The following PIK3CA variants were observed in gnomAD, a reference collection of about 807,000 sequenced individuals.
PIK3CA encodes the protein phosphatidylinositol-4,5-bisphosphate 3-kinase catalytic subunit alpha.
Under a neutral mutation model 138.2 loss-of-function variants are expected in PIK3CA, and 27 were observed. The ratio of observed to expected loss-of-function variants is 0.20; its 90% CI spans 0.14 to 0.27. The LOEUF (loss-of-function observed/expected upper bound fraction) is 0.27. Ranked by LOEUF, PIK3CA falls within the 10% of genes least tolerant of loss-of-function variation. The pLI, the probability that PIK3CA is intolerant of heterozygous loss-of-function variation, is 1.00. For missense variants in PIK3CA, 544 were observed against 1,277.4 expected (o/e 0.43, Z 8.75); for synonymous variants, 358 against 413.2 (o/e 0.87, Z 1.62).
intron 1 of PIK3CA, among the ~76,000 whole-genome samples, chr3:179,190,661 G>T (rs534344901): frequency 1.3e-4 from 20 of 152,060 alleles, no homozygotes; most frequent in African/African-American, 4.8e-4. Flanking sequence ...TCTCGTTAAT[G>T]GGTTGTAGGG....
intron 6 of PIK3CA, 70 bp from the exon 7 acceptor site, chr3:179,209,525 T>C: frequency 1.2e-6 from 1 of 813,742 alleles, no homozygotes; most frequent in South Asian, 2.4e-5. Context: ...TCGTGATTTG[T>C]AGGAGTCATT....
At chr3:179,191,504 T>C (rs1347479787) in intron 1 of PIK3CA, among the ~76,000 whole-genome samples, 1 of 152,222 alleles carries the variant, frequency 6.6e-6, no homozygotes, top group Admixed American at 6.5e-5. Context: ...GCTGTTTGCA[T>C]TGCTCAGGCT....
At chr3:179,187,402 G>A (rs1300155180) in intron 1 of PIK3CA, among the ~76,000 whole-genome samples, 1 of 151,252 alleles carries the variant, frequency 6.6e-6, no homozygotes, top group African/African-American at 2.4e-5. Context: ...GCTGGGCGTG[G>A]TGGCGGGCGC....
intron 1 of PIK3CA, among the ~76,000 whole-genome samples, chr3:179,173,958 C>T (rs1723630653): frequency 6.6e-6 from 1 of 151,640 alleles, no homozygotes; most frequent in Admixed American, 6.6e-5. Flanking sequence ...AAACTCCTGA[C>T]CTCAGGTGAT....
In PIK3CA at chr3:179,204,565, A is replaced by G. The variant is rs2108394515; in HGVS notation, c.1122A>G (p.Gln374=). ...CCTTATGTGACAATGTGAACACTCAAAGAGTACCTTGTTCCAATCCCAGGT... is the reference window on the plus strand; with the variant it reads ...CCTTATGTGACAATGTGAACACTCAGAGAGTACCTTGTTCCAATCCCAGGT... ...GEPLCDNVNT[Q]RVPCSNPRWN... Residue 374 remains glutamine, a synonymous_variant, in exon 6 of 21, where the codon CAA becomes CAG. Transcript: ENST00000263967. The G allele has an allele frequency of 6.4e-7, 1 of 1,562,750 alleles. No individual in the cohort carries two copies. The highest frequency in any genetic ancestry group is 8.8e-7 in the Non-Finnish European group (1 of 1,133,438).
chr3:179,156,159 G>A (rs1230366083), intron 1 of PIK3CA, among the ~76,000 whole-genome samples: 3 of 152,144 alleles, frequency 2.0e-5, no homozygotes, highest in African/African-American at 7.2e-5. Context: ...TATTTTAAAG[G>A]TCCTTGTGTG....
intron 1 of PIK3CA, among the ~76,000 whole-genome samples, chr3:179,153,845 G>A (rs1335707936): frequency 1.3e-5 from 2 of 152,164 alleles, no homozygotes; most frequent in Non-Finnish European, 2.9e-5. Context: ...TGAAGTGTTA[G>A]GATATAAAAG....
Position 179,210,248 on chromosome 3 carries a change from T to C in PIK3CA, c.1314T>C (p.Ser438=). 1 of 1,598,274 alleles carries C rather than the reference T, an allele frequency of 6.3e-7. No homozygotes were observed. The highest frequency in any genetic ancestry group is 8.5e-7 in the Non-Finnish European group (1 of 1,176,052). Residue 438 remains serine (S), a synonymous_variant, in exon 8 of 21, where the codon TCT becomes TCC. Coordinates refer to ENST00000263967, the MANE Select transcript of PIK3CA (RefSeq NM_006218.4). The part of the protein sequence containing the change: ...NLFDYTDTLV[S]GKMALNLWPV... The stretch of plus-strand genomic sequence containing the variant: ...TTGATTACACAGACACTCTAGTATC[T>C]GGAAAAATGGCTTTGAATCTTTGGC...
intron 1 of PIK3CA, among the ~76,000 whole-genome samples, chr3:179,191,234 G>C (rs188860555): frequency 1.9e-4 from 29 of 152,290 alleles, no homozygotes; most frequent in Non-Finnish European, 3.5e-4. Context: ...TCATGTCAAA[G>C]TGTCATACTT....
chr3:179,215,087 C>G (rs1724807516), intron 9 of PIK3CA, among the ~76,000 whole-genome samples: 1 of 152,112 alleles, frequency 6.6e-6, no homozygotes, highest in East Asian at 1.9e-4. Context: ...TCCAAAACAC[C>G]CCTATCCCAT....
intron 17 of PIK3CA, 54 bp from the exon 18 acceptor site, chr3:179,229,218 T>G: frequency 7.1e-7 from 1 of 1,400,790 alleles, no homozygotes; most frequent in Non-Finnish European, 9.9e-7. Flanking sequence ...TGTTAAAACA[T>G]TTGCTATTTT....
rs1012456637 is a variant in PIK3CA at position 179,239,447 on chromosome 3, A to C, written c.*5083A>C. 5.1e-6 allele frequency: 1 copy of C among 197,090 alleles called. No individual in the cohort carries two copies. Among genetic ancestry groups the C allele is most frequent in the African/African-American group, 2.3e-5 (1 of 43,304 alleles). The allele number at this position is 197,090 out of a possible 1,614,324, so 12.2% of individuals were successfully genotyped here. On this transcript the variant is annotated 3_prime_UTR_variant, in exon 21 of 21. Coordinates refer to ENST00000263967, the MANE Select transcript of PIK3CA (RefSeq NM_006218.4). The stretch of plus-strand genomic sequence containing the variant: ...TTATCTATTTATTTCATTTTTATTT[A>C]ATTTTGTTTTTATTTCATTTTTAAA...
intron 9 of PIK3CA, among the ~76,000 whole-genome samples, chr3:179,213,924 A>G (rs1379160286): frequency 1.3e-5 from 2 of 152,190 alleles, no homozygotes; most frequent in Non-Finnish European, 2.9e-5. Context: ...GCTGCTTCAC[A>G]GCTTCTTTTT....
intron 9 of PIK3CA, among the ~76,000 whole-genome samples, chr3:179,214,728 T>C (rs1214958889): frequency 1.3e-5 from 2 of 151,704 alleles, no homozygotes; most frequent in Non-Finnish European, 2.9e-5. Flanking sequence ...TGAGGTATGA[T>C]AAAGCAAAGC....
In PIK3CA at chr3:179,219,384, T is replaced by C; in HGVS notation, c.1746+107T>C. ...ATAAATAAATGAAATAGACTAATAG[T>C]AATATAGTGTAGAAAAAAACACCCT... is the stretch of plus-strand genomic sequence containing the variant. On this transcript the variant is annotated intron_variant, in intron 11 of 20. Coordinates refer to ENST00000263967, the MANE Select transcript of PIK3CA (RefSeq NM_006218.4). The surrounding 1 kb of genome is among the most constrained non-coding windows in gnomAD (Gnocchi z 4.2). The C allele has an allele frequency of 1.3e-6, 1 of 754,922 alleles. No homozygotes were observed. Among genetic ancestry groups the C allele is most frequent in the Non-Finnish European group, 2.2e-6 (1 of 455,146 alleles). 46.8% of individuals were successfully genotyped at this position (754,922 alleles called of 1,614,324 possible). A position where few individuals can be genotyped will look rare whatever the true frequency, so the allele number is the denominator to read the frequency against.
At chr3:179,202,341 A>G (rs900392166) in intron 4 of PIK3CA, among the ~76,000 whole-genome samples, 1 of 152,210 alleles carries the variant, frequency 6.6e-6, no homozygotes, top group African/African-American at 2.4e-5. Flanking sequence ...CAGTGCTGGG[A>G]TTACAGGCGT....
intron 1 of PIK3CA, among the ~76,000 whole-genome samples, chr3:179,181,335 G>A (rs941572300): frequency 2.0e-5 from 3 of 151,920 alleles, no homozygotes; most frequent in African/African-American, 7.3e-5. Flanking sequence ...GACTCATGCT[G>A]TTCTCAGAAT....
chr3:179,224,935 G>T, intron 16 of PIK3CA, 114 bp downstream of exon 16: 1 of 599,102 alleles, frequency 1.7e-6, no homozygotes, highest in Admixed American at 2.8e-5. Context: ...ATACACATGT[G>T]ATAAAATATG....
At chr3:179,216,154 C>G (rs1458678859) in intron 9 of PIK3CA, among the ~76,000 whole-genome samples, 1 of 152,152 alleles carries the variant, frequency 6.6e-6, no homozygotes, top group Admixed American at 6.6e-5. Context: ...ATGACAACAC[C>G]TAAACTGTCT....
Sources: allele counts gnomAD v4.1 joint callset (sites outside exome capture counted in the v4.1 genomes callset), GRCh38; gene constraint gnomAD v4.1.1; non-coding constraint Gnocchi (gnomAD v3.1); transcripts MANE v1.5; gene names NCBI Gene and HGNC (gene_info 2026-07-23, HGNC 2026-07-21).